The following DPP10 variants were observed in gnomAD, a reference collection of about 807,000 sequenced individuals.
DPP10 encodes the protein dipeptidyl peptidase like 10.
Under a neutral mutation model 120.9 loss-of-function variants are expected in DPP10, and 33 were observed. The observed-to-expected ratio is 0.27, with a 90% confidence interval of 0.21 to 0.37. The LOEUF (loss-of-function observed/expected upper bound fraction) is 0.37, where lower values mean the gene tolerates loss of function less well. Ranked by LOEUF, DPP10 falls within the 10% of genes least tolerant of loss-of-function variation. DPP10 has a pLI of 1.00. For missense variants in DPP10, 816 were observed against 942.8 expected (o/e 0.87, Z 1.76); for synonymous variants, 337 against 326.1 (o/e 1.03, Z -0.36).
intron 1 of DPP10, among the ~76,000 whole-genome samples, chr2:115,256,201 C>T (rs771593442): frequency 9.9e-5 from 15 of 152,218 alleles, no homozygotes; most frequent in East Asian, 5.8e-4. Flanking sequence ...CTTCATATAG[C>T]GGCAGCAAGG....
chr2:115,169,890 A>G (rs866530833), intron 1 of DPP10, among the ~76,000 whole-genome samples: 86 of 152,182 alleles, frequency 5.7e-4, no homozygotes, highest in South Asian at 1.9e-3. Flanking sequence ...AGGGAGGATA[A>G]AAGCTATTTT....
chr2:115,222,332 A>G (rs112284205), intron 1 of DPP10, among the ~76,000 whole-genome samples: 16 of 152,144 alleles, frequency 1.1e-4, no homozygotes, highest in African/African-American at 3.6e-4. Context: ...TTTGAATCAT[A>G]ATTGATATGA....
At chr2:115,422,938 G>C (rs2070114503) in intron 3 of DPP10, among the ~76,000 whole-genome samples, 1 of 151,988 alleles carries the variant, frequency 6.6e-6, no homozygotes, top group Admixed American at 6.6e-5. Context: ...TACAAAGTCT[G>C]GCCATAGTCT....
chr2:115,371,259 A>G (rs1471695226), intron 3 of DPP10, among the ~76,000 whole-genome samples: 3 of 152,126 alleles, frequency 2.0e-5, no homozygotes, highest in Admixed American at 6.6e-5. Flanking sequence ...TTCATGTTGA[A>G]CTGCTTATGC....
intron 3 of DPP10, among the ~76,000 whole-genome samples, chr2:115,453,660 G>A (rs708659): frequency 0.83 from 125,273 of 151,388 alleles, 54,857 homozygotes; most frequent in Non-Finnish European, 0.97. Flanking sequence ...GGAATTTATA[G>A]TTTTAAATGT....
chr2:115,601,838 TA>T (rs1271116492), intron 5 of DPP10, among the ~76,000 whole-genome samples: 2 of 107,146 alleles, frequency 1.9e-5, no homozygotes, highest in African/African-American at 1.1e-4. Flanking sequence ...CATGCCTGGC[TA>T]TTTTTTTTTT....
At chr2:114,906,087 C>T (rs1371116584) in intron 1 of DPP10, among the ~76,000 whole-genome samples, 3 of 152,098 alleles carry the variant, frequency 2.0e-5, no homozygotes, top group East Asian at 1.9e-4. Context: ...GAATAGAAGT[C>T]GTGAACCTGG....
intron 2 of DPP10, among the ~76,000 whole-genome samples, chr2:115,325,169 C>T (rs1000525746): frequency 6.6e-6 from 1 of 152,020 alleles, no homozygotes; most frequent in Admixed American, 6.6e-5. Context: ...TGTCAATAGG[C>T]TTGCTTGACA....
intron 3 of DPP10, among the ~76,000 whole-genome samples, chr2:115,477,645 C>A (rs1343229472): frequency 2.6e-5 from 4 of 152,086 alleles, no homozygotes; most frequent in African/African-American, 9.7e-5. Context: ...AATAGACAAA[C>A]CCTTCCTAAA....
chr2:114,914,257 A>G (rs1460268140), intron 1 of DPP10, among the ~76,000 whole-genome samples: 1 of 152,230 alleles, frequency 6.6e-6, no homozygotes, highest in Non-Finnish European at 1.5e-5. Context: ...ACACGTAGTC[A>G]TCGTATTCTC....
chr2:115,128,303 T>C, intron 1 of DPP10, among the ~76,000 whole-genome samples: 1 of 152,168 alleles, frequency 6.6e-6, no homozygotes, highest in East Asian at 1.9e-4. Flanking sequence ...GCCCAGAATA[T>C]CTTATTTTGT....
chr2:114,973,274 A>G (rs1459099673), intron 1 of DPP10, among the ~76,000 whole-genome samples: 3 of 151,954 alleles, frequency 2.0e-5, no homozygotes, highest in Admixed American at 6.6e-5. Flanking sequence ...TTATATATAG[A>G]ACATAATCCT....
intron 5 of DPP10, among the ~76,000 whole-genome samples, chr2:115,584,416 AAC>A (rs1233317256): frequency 6.6e-6 from 1 of 152,184 alleles, no homozygotes; most frequent in Non-Finnish European, 1.5e-5. Flanking sequence ...GAAGGAGAGA[AAC>A]ACAGAGGGAG....
At chr2:114,916,212 A>G (rs767129301) in intron 1 of DPP10, among the ~76,000 whole-genome samples, 10 of 152,204 alleles carry the variant, frequency 6.6e-5, no homozygotes. Flanking sequence ...ATTCACATAA[A>G]CTACAAAACC....
At chr2:115,223,735 A>G (rs1158924755) in intron 1 of DPP10, among the ~76,000 whole-genome samples, 1 of 152,178 alleles carries the variant, frequency 6.6e-6, no homozygotes, top group African/African-American at 2.4e-5. Context: ...GACCAGACTA[A>G]TGGGAAAAAG....
intron 5 of DPP10, among the ~76,000 whole-genome samples, chr2:115,569,083 AT>A (rs1187490471): frequency 6.6e-6 from 1 of 152,196 alleles, no homozygotes; most frequent in Non-Finnish European, 1.5e-5. Flanking sequence ...CTTTGCAACA[AT>A]TGCATGCTAT....
Position 115,719,161 on chromosome 2 carries a change from C to CT in DPP10, c.577-8650dup, listed in dbSNP as rs573959952. ...TTATATTCCATTTATTGGAGTTGGT[C>CT]TTTTTGCTAACTTTTATCTGGTATC... On this transcript the variant is annotated intron_variant, in intron 7 of 25. Transcript: ENST00000410059. Among the ~76,000 whole-genome samples the CT allele has an allele frequency of 1.5e-3, 227 of 152,140 alleles. 1 individual carries two copies. Among genetic ancestry groups the CT allele is most frequent in the South Asian group, 3.3e-3 (16 of 4,826 alleles).
intron 1 of DPP10, among the ~76,000 whole-genome samples, chr2:114,621,299 C>T (rs929422435): frequency 7.2e-5 from 11 of 152,076 alleles, no homozygotes; most frequent in Non-Finnish European, 1.2e-4. Flanking sequence ...CTTCTCCATC[C>T]CCCAAACAGT....
intron 1 of DPP10, among the ~76,000 whole-genome samples, chr2:114,754,118 T>A (rs1679507846): frequency 6.6e-6 from 1 of 152,082 alleles, no homozygotes; most frequent in African/African-American, 2.4e-5. Flanking sequence ...GAGTTTTCTA[T>A]AGTGGCTCCA....
Sources: allele counts gnomAD v4.1 joint callset (sites outside exome capture counted in the v4.1 genomes callset), GRCh38; gene constraint gnomAD v4.1.1; transcripts MANE v1.5; gene names NCBI Gene and HGNC (gene_info 2026-07-23, HGNC 2026-07-21).